The following PAK5 variants were observed in gnomAD, a reference collection of about 807,000 sequenced individuals.
PAK5 encodes serine/threonine-protein kinase PAK 5.
PAK5 carries 16 observed loss-of-function variants against 65.9 expected under a neutral mutation model. The observed-to-expected ratio is 0.24, with a 90% CI of 0.16 to 0.37. PAK5 has a LOEUF of 0.37. Among genes scored for constraint, PAK5 ranks in the 10% least tolerant of loss-of-function variants. PAK5 has a pLI of 1.00. For synonymous variants in PAK5, 371 were observed against 354.9 expected, an observed-to-expected ratio of 1.05 and a Z score of -0.51; for missense variants, 785 against 903.9, an observed-to-expected ratio of 0.87 and a Z score of 1.69.
chr20:9,595,049 G>T lies in PAK5; in HGVS notation c.205-14119C>A, dbSNP rs1603238118. Among the ~76,000 whole-genome samples the T allele has an allele frequency of 1.3e-5, 2 of 151,250 alleles. 1 individual carries two copies. Among genetic ancestry groups the T allele is most frequent in the South Asian group, 4.2e-4 (2 of 4,808 alleles). On this transcript the variant is annotated intron_variant, in intron 3 of 9. Transcript: ENST00000353224. ...TATTTAGGTGTATTTAGATGTGTGT[G>T]TGCATATATGTACATATACACACAT...
intron 1 of PAK5, among the ~76,000 whole-genome samples, chr20:9,783,525 C>G (rs939520372): frequency 6.6e-6 from 1 of 152,154 alleles, no homozygotes; most frequent in African/African-American, 2.4e-5. Flanking sequence ...AAGAACTTCT[C>G]TATCTCAACA....
At chr20:9,597,683 A>G (rs2046294315) in intron 3 of PAK5, among the ~76,000 whole-genome samples, 1 of 152,156 alleles carries the variant, frequency 6.6e-6, no homozygotes, top group African/African-American at 2.4e-5. Flanking sequence ...TACAGCAGAG[A>G]TGATGTTGTG....
intron 3 of PAK5, among the ~76,000 whole-genome samples, chr20:9,637,223 T>G (rs1477053277): frequency 6.6e-6 from 1 of 152,146 alleles, no homozygotes; most frequent in Non-Finnish European, 1.5e-5. Context: ...TTGCCCAGGT[T>G]GGTCTCAAAC....
In PAK5 at chr20:9,723,796, G is replaced by A. The variant is rs537640322; in HGVS notation, c.-161-12361C>T. The stretch of plus-strand genomic sequence containing the variant: ...ATGTGCAAATCCAGCCAAATCACCC[G>A]AGCTATCTAGTCCACCCACTGCAGT... On this transcript the variant is annotated intron_variant, in intron 1 of 9. Transcript: ENST00000353224. 1.6e-4 allele frequency among the ~76,000 whole-genome samples: 25 copies of A among 152,068 alleles called. No homozygotes were observed. In the East Asian group the frequency reaches 3.9e-3, roughly 23 times the overall value.
chr20:9,645,708 C>A (rs1270024284), intron 2 of PAK5, among the ~76,000 whole-genome samples: 2 of 152,116 alleles, frequency 1.3e-5, no homozygotes, highest in Non-Finnish European at 2.9e-5. Context: ...CCTCAGCCTC[C>A]CGAGTAGCTG....
chr20:9,828,541 A>G (rs1166422590), intron 1 of PAK5, among the ~76,000 whole-genome samples: 2 of 152,208 alleles, frequency 1.3e-5, no homozygotes, highest in African/African-American at 4.8e-5. Context: ...TGAATTTTCT[A>G]TTCTTCCAGA....
intron 3 of PAK5, among the ~76,000 whole-genome samples, chr20:9,616,290 T>C (rs2123163716): frequency 6.6e-6 from 1 of 152,312 alleles, no homozygotes; most frequent in South Asian, 2.1e-4. Flanking sequence ...AGTTCCTATA[T>C]TACAGATGAG....
chr20:9,676,435 C>T (rs753254545), intron 2 of PAK5, among the ~76,000 whole-genome samples: 4 of 152,124 alleles, frequency 2.6e-5, no homozygotes, highest in Non-Finnish European at 5.9e-5. Flanking sequence ...TAATAAACTA[C>T]AATTACAATT....
At chr20:9,658,510 C>T (rs2047300357) in intron 2 of PAK5, among the ~76,000 whole-genome samples, 1 of 152,130 alleles carries the variant, frequency 6.6e-6, no homozygotes, top group Non-Finnish European at 1.5e-5. Context: ...ACAATGAAAG[C>T]TATAAGACCA....
rs1044997534 is a variant in PAK5, at chr20:9,711,409, G to A, written c.-135C>T. ...TCCTCAGTGTTCATTTTAGCAAGAG[G>A]TGGAAGCATTTCACCACAGTGTATT... On this transcript the variant is annotated 5_prime_UTR_variant, in exon 2 of 10. Coordinates refer to ENST00000353224, the MANE Select transcript of PAK5 (RefSeq NM_177990.4). 2 of 152,080 alleles carry A rather than the reference G, an allele frequency of 1.3e-5. No homozygotes were observed. Among genetic ancestry groups the A allele is most frequent in the African/African-American group, 2.4e-5 (1 of 41,424 alleles). The allele number at this position is 152,080 out of a possible 1,614,324, so 9.4% of individuals were successfully genotyped here.
At chr20:9,829,149 T>A (rs917394981) in intron 1 of PAK5, among the ~76,000 whole-genome samples, 1 of 152,200 alleles carries the variant, frequency 6.6e-6, no homozygotes, top group Non-Finnish European at 1.5e-5. Context: ...CAACCAAATA[T>A]TGATTTTTGG....
chr20:9,823,895 T>TC (rs2049454135), intron 1 of PAK5, among the ~76,000 whole-genome samples: 1 of 152,146 alleles, frequency 6.6e-6, no homozygotes, highest in South Asian at 2.1e-4. Context: ...TTACCTTTTT[T>TC]TTGTGCTTGT....
intron 3 of PAK5, among the ~76,000 whole-genome samples, chr20:9,634,146 C>T (rs1440956129): frequency 2.6e-5 from 4 of 152,150 alleles, no homozygotes; most frequent in Admixed American, 2.6e-4. Flanking sequence ...TAGGAGCAGT[C>T]TTCCAAATGC....
intron 3 of PAK5, among the ~76,000 whole-genome samples, chr20:9,641,722 A>G (rs112865969): frequency 0.013 from 1,950 of 152,126 alleles, 10 homozygotes; most frequent in Non-Finnish European, 0.018. Flanking sequence ...TGCAGGTCCC[A>G]AGCCCTGCCC....
chr20:9,595,635 A>G (rs1171295433), intron 3 of PAK5, among the ~76,000 whole-genome samples: 1 of 152,226 alleles, frequency 6.6e-6, no homozygotes, highest in African/African-American at 2.4e-5. Flanking sequence ...TTGTTTTCAC[A>G]TAAAGACCAC....
intron 2 of PAK5, among the ~76,000 whole-genome samples, chr20:9,648,360 G>A (rs1315466304): frequency 1.3e-5 from 2 of 152,190 alleles, no homozygotes; most frequent in African/African-American, 4.8e-5. Context: ...TACTGGGGAA[G>A]CCCATCAGAG....
At chr20:9,551,173 C>T (rs1483250166) in intron 7 of PAK5, among the ~76,000 whole-genome samples, 4 of 152,114 alleles carry the variant, frequency 2.6e-5, no homozygotes, top group Admixed American at 1.3e-4. Flanking sequence ...AATAAATCTG[C>T]AAGTAGATAA....
chr20:9,833,407 C>T (rs528708614), intron 1 of PAK5, among the ~76,000 whole-genome samples: 2 of 152,208 alleles, frequency 1.3e-5, no homozygotes, highest in African/African-American at 4.8e-5. Flanking sequence ...ACCACTACCA[C>T]TTCCATCTAC....
chr20:9,606,983 G>GA (rs1357615191), intron 3 of PAK5, among the ~76,000 whole-genome samples: 2 of 152,104 alleles, frequency 1.3e-5, no homozygotes, highest in Non-Finnish European at 2.9e-5. Context: ...ATCAATTTTA[G>GA]AAAATTAACT....
Sources: allele counts gnomAD v4.1 joint callset (sites outside exome capture counted in the v4.1 genomes callset), GRCh38; gene constraint gnomAD v4.1.1; transcripts MANE v1.5; gene names NCBI Gene and HGNC (gene_info 2026-07-23, HGNC 2026-07-21).